INPP4B: variants seen among roughly 807,000 people sequenced by gnomAD.
The protein encoded by INPP4B is inositol polyphosphate-4-phosphatase type II B, also known as inositol polyphosphate 4-phosphatase type II.
A neutral mutation model predicts 122.5 loss-of-function variants in INPP4B; 55 were observed. The observed-to-expected ratio is 0.45, with a 90% CI of 0.36 to 0.56. The LOEUF (loss-of-function observed/expected upper bound fraction) is 0.56, where lower values mean the gene tolerates loss of function less well. Among genes scored for constraint, INPP4B ranks in the 20% least tolerant of loss-of-function variants. The probability of loss-of-function intolerance (pLI) is 0.00; values close to 1 mark genes in which losing one functional copy is unlikely to be tolerated. For missense variants in INPP4B, 1,000 were observed against 1,097.7 expected (o/e 0.91, Z 1.26); for synonymous variants, 403 against 388.7 (o/e 1.04, Z -0.43).
At chr4:142,446,784 C>A (rs1813002250) in intron 3 of INPP4B, among the ~76,000 whole-genome samples, 1 of 152,104 alleles carries the variant, frequency 6.6e-6, no homozygotes, top group Non-Finnish European at 1.5e-5. Context: ...ATGGCACTTA[C>A]AGACATTATT....
chr4:142,800,097 C>A (rs1777817348), intron 1 of INPP4B, among the ~76,000 whole-genome samples: 1 of 151,930 alleles, frequency 6.6e-6, no homozygotes, highest in Admixed American at 6.6e-5. Flanking sequence ...CAGGGTGATT[C>A]TTTGACTTAT....
chr4:142,376,322 G>T (rs2148784844), intron 7 of INPP4B, among the ~76,000 whole-genome samples: 1 of 151,986 alleles, frequency 6.6e-6, no homozygotes, highest in Non-Finnish European at 1.5e-5. Context: ...TGAAAACATG[G>T]CTTTGTTCCT....
intron 3 of INPP4B, among the ~76,000 whole-genome samples, chr4:142,445,861 AC>A (rs1812808856): frequency 6.6e-6 from 1 of 152,186 alleles, no homozygotes; most frequent in South Asian, 2.1e-4. Context: ...AGGAGATTGA[AC>A]TAGAAATAAC....
chr4:142,635,337 A>G (rs938407429), intron 2 of INPP4B, among the ~76,000 whole-genome samples: 1 of 152,140 alleles, frequency 6.6e-6, no homozygotes, highest in African/African-American at 2.4e-5. Context: ...CTACCATTTG[A>G]CCCAGCAATC....
intron 7 of INPP4B, among the ~76,000 whole-genome samples, chr4:142,369,581 A>T (rs932012091): frequency 6.5e-5 from 9 of 138,842 alleles, no homozygotes; most frequent in African/African-American, 2.4e-4. Context: ...TGTCTCGAAA[A>T]TTAAAAAAAT....
At chr4:142,377,679 TA>T (rs1318585795) in intron 7 of INPP4B, among the ~76,000 whole-genome samples, 3 of 152,134 alleles carry the variant, frequency 2.0e-5, no homozygotes, top group African/African-American at 7.2e-5. Context: ...TCATATGCAG[TA>T]ATCATGTTTT....
chr4:142,801,473 G>A (rs896938781), intron 1 of INPP4B, among the ~76,000 whole-genome samples: 6 of 152,152 alleles, frequency 3.9e-5, no homozygotes, highest in Admixed American at 1.3e-4. Context: ...CAGAAGGACT[G>A]TATGAGGACA....
intron 7 of INPP4B, among the ~76,000 whole-genome samples, chr4:142,330,531 A>C (rs946159672): frequency 1.3e-5 from 2 of 152,158 alleles, no homozygotes; most frequent in African/African-American, 2.4e-5. Flanking sequence ...GCATATGTGC[A>C]CACACGCACA....
chr4:142,392,078 A>T (rs985412138), intron 7 of INPP4B, among the ~76,000 whole-genome samples: 5 of 152,222 alleles, frequency 3.3e-5, no homozygotes, highest in Non-Finnish European at 5.9e-5. Context: ...AGAATATCAG[A>T]GAAAGACTGT....
intron 7 of INPP4B, among the ~76,000 whole-genome samples, chr4:142,373,770 A>G (rs897799316): frequency 6.6e-6 from 1 of 152,014 alleles, no homozygotes; most frequent in Non-Finnish European, 1.5e-5. Context: ...ATATAAATAA[A>G]GAGTCATTTA....
At chr4:142,555,757 G>A (rs1477452106) in intron 2 of INPP4B, among the ~76,000 whole-genome samples, 1 of 151,506 alleles carries the variant, frequency 6.6e-6, no homozygotes, top group Non-Finnish European at 1.5e-5. Flanking sequence ...TGTAGTCCCA[G>A]CTACTCAGGA....
At chr4:142,648,989 A>G (rs1752383237) in intron 2 of INPP4B, among the ~76,000 whole-genome samples, 2 of 152,144 alleles carry the variant, frequency 1.3e-5, no homozygotes. Flanking sequence ...TCTGGGACAA[A>G]GCTTCTAGAG....
chr4:142,549,874 C>A (rs1727561509), intron 2 of INPP4B, among the ~76,000 whole-genome samples: 1 of 152,078 alleles, frequency 6.6e-6, no homozygotes, highest in Admixed American at 6.6e-5. Flanking sequence ...GGTTTCAGAA[C>A]AATTAAATTC....
intron 7 of INPP4B, among the ~76,000 whole-genome samples, chr4:142,362,658 TA>T (rs200275465): frequency 0.12 from 17,706 of 151,724 alleles, 1,092 homozygotes; most frequent in East Asian, 0.18. Flanking sequence ...TACACAGCCA[TA>T]AAAAAATGAA....
At chr4:142,568,729 G>A (rs958700466) in intron 2 of INPP4B, among the ~76,000 whole-genome samples, 1 of 152,088 alleles carries the variant, frequency 6.6e-6, no homozygotes, top group Non-Finnish European at 1.5e-5. Context: ...CTACAAAGAT[G>A]ATATTACTTG....
At chr4:142,795,452 A>T (rs1777106475) in intron 1 of INPP4B, 2 of 152,004 alleles carry the variant, frequency 1.3e-5, no homozygotes, top group Admixed American at 6.6e-5. Context: ...CATATTTTAT[A>T]GTTTTTTGTT....
intron 5 of INPP4B, among the ~76,000 whole-genome samples, chr4:142,427,999 A>T (rs1808474578): frequency 6.6e-6 from 1 of 151,736 alleles, no homozygotes; most frequent in Admixed American, 6.6e-5. Flanking sequence ...AGTTTTTCAC[A>T]TTTCTGCCTG....
At chr4:142,299,273 A>AAAAAGGGATCCTCCC (rs1391177932) in intron 9 of INPP4B, among the ~76,000 whole-genome samples, 18,740 of 150,786 alleles carry the variant, frequency 0.12, 2,389 homozygotes, top group African/African-American at 0.32. Flanking sequence ...GGGATCCTCC[A>AAAAAGGGATCCTCCC]ACCACAGCCT....
intron 9 of INPP4B, among the ~76,000 whole-genome samples, chr4:142,275,232 A>G (rs996432240): frequency 1.3e-5 from 2 of 151,822 alleles, no homozygotes; most frequent in Non-Finnish European, 3.0e-5. Context: ...CAATTCTGCC[A>G]TCATTAATAG....
Sources: allele counts gnomAD v4.1 joint callset (sites outside exome capture counted in the v4.1 genomes callset), GRCh38; gene constraint gnomAD v4.1.1; transcripts MANE v1.5; gene names NCBI Gene and HGNC (gene_info 2026-07-23, HGNC 2026-07-21).